The following SLC2A9 variants were observed in gnomAD, a reference collection of about 807,000 sequenced individuals.
SLC2A9 encodes the protein solute carrier family 2 member 9.
A neutral mutation model predicts 50.6 loss-of-function variants in SLC2A9; 39 were observed. The observed-to-expected ratio is 0.77, with a 90% CI of 0.60 to 1.01. The LOEUF is 1.01. SLC2A9 is among the 50% of genes least tolerant of loss of function. SLC2A9 has a pLI of 0.00. For missense variants in SLC2A9, 686 were observed against 677.6 expected, an observed-to-expected ratio of 1.01 and a Z score of -0.14; for synonymous variants, 324 against 276.9, an observed-to-expected ratio of 1.17 and a Z score of -1.69.
intron 1 of SLC2A9, among the ~76,000 whole-genome samples, chr4:10,038,729 G>T (rs931538802): frequency 3.3e-5 from 5 of 152,092 alleles, no homozygotes; most frequent in Admixed American, 1.3e-4. Flanking sequence ...CAATGACATG[G>T]AGCATGTCTG....
At chr4:9,782,335 G>C (rs769659017) in intron 3 of SLC2A9, 3 of 1,614,044 alleles carry the variant, frequency 1.9e-6, no homozygotes, top group Non-Finnish European at 2.5e-6. Flanking sequence ...CAGTCGCCGA[G>C]GTGGCCGGTT....
chr4:9,872,542 G>A (rs928729881), intron 10 of SLC2A9, among the ~76,000 whole-genome samples: 21 of 152,158 alleles, frequency 1.4e-4, no homozygotes, highest in Admixed American at 1.0e-3. Flanking sequence ...TTGCTATATC[G>A]CTTGCTATCC....
At chr4:9,791,284 T>C (rs1719884061) in intron 3 of SLC2A9, among the ~76,000 whole-genome samples, 1 of 152,242 alleles carries the variant, frequency 6.6e-6, no homozygotes, top group Non-Finnish European at 1.5e-5. Flanking sequence ...TCATTAAACA[T>C]CTAGAGAAAA....
intron 10 of SLC2A9, among the ~76,000 whole-genome samples, chr4:9,853,262 A>C (rs1294497489): frequency 2.0e-5 from 3 of 152,142 alleles, no homozygotes; most frequent in African/African-American, 7.2e-5. Flanking sequence ...CACCCATCTC[A>C]CATTCAGTGA....
chr4:9,938,656 C>A (rs1430763271), intron 6 of SLC2A9, among the ~76,000 whole-genome samples: 1 of 152,190 alleles, frequency 6.6e-6, no homozygotes, highest in Non-Finnish European at 1.5e-5. Context: ...GCACCCTGCA[C>A]TTCAGTGAAT....
chr4:9,976,027 A>G (rs575399179), intron 5 of SLC2A9, among the ~76,000 whole-genome samples: 7 of 152,370 alleles, frequency 4.6e-5, no homozygotes, highest in African/African-American at 1.4e-4. Context: ...GTTCTCACTT[A>G]TAAGTGGGAA....
chr4:9,918,303 C>T (rs1030060282), intron 7 of SLC2A9, among the ~76,000 whole-genome samples: 5 of 152,204 alleles, frequency 3.3e-5, no homozygotes, highest in Admixed American at 2.0e-4. Flanking sequence ...GTGCTGGTAG[C>T]TCTCTTTGTC....
downstream of SLC2A9, among the ~76,000 whole-genome samples, chr4:9,824,666 C>A (rs1205966718): frequency 6.6e-6 from 1 of 152,090 alleles, no homozygotes; most frequent in African/African-American, 2.4e-5. Context: ...CAGGTGAGGG[C>A]AGTATATTTT....
At position 9,920,526 on chromosome 4, in the gene SLC2A9, C is replaced by T. The variant is rs752430657; in HGVS notation, c.861G>A (p.Glu287=). ...LGKADVSQEV[E]EVLAESRVQR... ...GCACGCGGCTCTCAGCCAGGACCTC[C>T]TCTACCTCTTGGGAAACGTCTGCTT... The change falls in exon 7 of 12, where the codon GAG becomes GAA. Residue 287 remains glutamate, a synonymous_variant. Transcript: ENST00000264784. 1.9e-6 allele frequency: 3 copies of T among 1,614,202 alleles called. No individual in the cohort carries two copies. The East Asian group carries it at 6.7e-5, about 36-fold the overall frequency.
chr4:9,856,905 C>T (rs747191742), intron 10 of SLC2A9, among the ~76,000 whole-genome samples: 1 of 152,058 alleles, frequency 6.6e-6, no homozygotes, highest in Non-Finnish European at 1.5e-5. Flanking sequence ...TAAGTGGGAG[C>T]TAAACATTGA....
At chr4:9,858,409 A>G (rs1213840900) in intron 10 of SLC2A9, among the ~76,000 whole-genome samples, 1 of 152,212 alleles carries the variant, frequency 6.6e-6, no homozygotes, top group Non-Finnish European at 1.5e-5. Flanking sequence ...CAAGGCTGCT[A>G]TGGTGGAAAG....
chr4:10,006,988 G>A (rs112729227), intron 2 of SLC2A9, among the ~76,000 whole-genome samples: 11 of 151,988 alleles, frequency 7.2e-5, no homozygotes, highest in African/African-American at 1.9e-4. Context: ...GATGAAGCGC[G>A]TCCCGTGAGG....
At chr4:9,980,527 G>C in intron 5 of SLC2A9, 65 bp downstream of exon 5, 1 of 1,608,950 alleles carries the variant, frequency 6.2e-7, no homozygotes, top group South Asian at 1.1e-5. Flanking sequence ...TTGGAGAAAA[G>C]GCTCCTTCCT....
intron 11 of SLC2A9, 136 bp from the exon 12 acceptor site, chr4:9,826,736 G>C: frequency 2.5e-6 from 2 of 786,760 alleles, no homozygotes. Context: ...GTGTGATGCT[G>C]GCTCAATAAG....
At position 9,827,132 on chromosome 4, in the gene SLC2A9, A is replaced by G. The variant is rs73804390; in HGVS notation, c.1420-532T>C. On this transcript the variant is annotated intron_variant, in intron 11 of 11. Coordinates refer to ENST00000264784, the MANE Select transcript of SLC2A9 (RefSeq NM_020041.3). Reference sequence around the variant, plus strand: ...GCACAAATAAGAGAGATCAGAAAAAATAGAAATGCTCAATGCAATCACTCC... The same window carrying G: ...GCACAAATAAGAGAGATCAGAAAAAGTAGAAATGCTCAATGCAATCACTCC... Among the ~76,000 whole-genome samples the G allele has an allele frequency of 3.9e-3, 587 of 152,340 alleles. 6 individuals are homozygous for G. The highest frequency in any genetic ancestry group is 0.014 in the African/African-American group (571 of 41,572).
intron 7 of SLC2A9, among the ~76,000 whole-genome samples, chr4:9,911,664 G>C (rs557398713): frequency 1.3e-5 from 2 of 152,210 alleles, no homozygotes; most frequent in South Asian, 4.1e-4. Flanking sequence ...CTGCGTGACC[G>C]CAGGCAAGCG....
intron 2 of SLC2A9, among the ~76,000 whole-genome samples, chr4:10,012,068 C>A (rs1056318518): frequency 2.3e-4 from 35 of 152,348 alleles, no homozygotes; most frequent in Admixed American, 3.9e-4. Flanking sequence ...TCTATAACTG[C>A]TTTATCTCTA....
At chr4:9,941,863 G>A in intron 6 of SLC2A9, 50 bp downstream of exon 6, 1 of 1,612,202 alleles carries the variant, frequency 6.2e-7, no homozygotes, top group Non-Finnish European at 8.5e-7. Flanking sequence ...GCCTTGCAGT[G>A]ATGATCTATG....
rs7692145 is a variant in SLC2A9, at chr4:9,899,599, T to C, written c.1113+8636A>G. ...GGCTCTCTCTAAGTTAAAAACGGAATATAATTCAATGAAACAAACTTTTTT... is the reference window on the plus strand; with the variant it reads ...GGCTCTCTCTAAGTTAAAAACGGAACATAATTCAATGAAACAAACTTTTTT... On this transcript the variant is annotated intron_variant, in intron 8 of 11. Transcript: ENST00000264784. 3.4e-3 allele frequency among the ~76,000 whole-genome samples: 522 copies of C among 152,252 alleles called. 4 individuals are homozygous for C. Among genetic ancestry groups the C allele is most frequent in the African/African-American group, 0.011 (472 of 41,540 alleles).
Sources: allele counts gnomAD v4.1 joint callset (sites outside exome capture counted in the v4.1 genomes callset), GRCh38; gene constraint gnomAD v4.1.1; transcripts MANE v1.5; gene names NCBI Gene and HGNC (gene_info 2026-07-23, HGNC 2026-07-21).